Variants in ARMC9 observed in about 807,000 individuals in gnomAD.
ARMC9 encodes lisH domain-containing protein ARMC9.
A neutral mutation model predicts 107.0 loss-of-function variants in ARMC9; 94 were observed. The observed-to-expected ratio is 0.88, with a 90% confidence interval of 0.74 to 1.04. The LOEUF is 1.04. Among genes scored for constraint, ARMC9 ranks in the 50% least tolerant of loss-of-function variants. ARMC9 has a pLI of 0.00. For missense variants in ARMC9, 942 were observed against 1,030.1 expected, an observed-to-expected ratio of 0.91 and a Z score of 1.17; for synonymous variants, 380 against 396.9, an observed-to-expected ratio of 0.96 and a Z score of 0.51.
chr2:231,214,765 T>A, intron 3 of ARMC9, 66 bp from the exon 4 acceptor site: 1 of 1,511,192 alleles, frequency 6.6e-7, no homozygotes, highest in South Asian at 1.2e-5. Context: ...TGGTGTTGAG[T>A]GGGTTGTGAG....
At chr2:231,348,448 A>T (rs983413066) in intron 21 of ARMC9, among the ~76,000 whole-genome samples, 1 of 152,248 alleles carries the variant, frequency 6.6e-6, no homozygotes, top group Non-Finnish European at 1.5e-5. Context: ...TTCAGTCACT[A>T]AGTTTGTGGT....
intron 7 of ARMC9, among the ~76,000 whole-genome samples, chr2:231,233,223 T>C (rs2035404540): frequency 6.6e-6 from 1 of 152,230 alleles, no homozygotes; most frequent in South Asian, 2.1e-4. Context: ...ATGAAGGTTT[T>C]TGAAATACAA....
rs1369422705 is a variant in ARMC9 at position 231,355,929 on chromosome 2, C to T, written c.2126C>T (p.Ser709Phe). ...AGCACCCCGGAGTCCTGCGTCTCCT[C>T]TTCATGTAAGAATGTGGGCAGCACA... The part of the protein sequence containing the change: ...KPSTPESCVS[S>F]SSAIIAKPGE... The change falls in exon 22 of 25, where the codon TCT becomes TTT. Residue 709 changes from serine (S) to phenylalanine (F), a missense_variant. By Grantham distance (155) the Ser-to-Phe change is radical. Coordinates refer to ENST00000611582, the MANE Select transcript of ARMC9 (RefSeq NM_001352754.2). 4.6e-6 allele frequency: 7 copies of T among 1,535,058 alleles called. No homozygotes were observed. The highest frequency in any genetic ancestry group is 1.4e-5 in the African/African-American group (1 of 73,042).
chr2:231,222,953 A>G lies in ARMC9; in HGVS notation c.597+133A>G. On this transcript the variant is annotated intron_variant, in intron 6 of 24. Coordinates refer to ENST00000611582, the MANE Select transcript of ARMC9 (RefSeq NM_001352754.2). Reference sequence around the variant, plus strand: ...TTAATAGTGTTGCTTTCATATTTACAAGGTCAATGAATCATTAATGGCAGG... The same window carrying G: ...TTAATAGTGTTGCTTTCATATTTACGAGGTCAATGAATCATTAATGGCAGG... 3 of 556,258 alleles carry G rather than the reference A, an allele frequency of 5.4e-6. No individual in the cohort carries two copies. In the South Asian group the frequency reaches 8.1e-5, roughly 15 times the overall value. 34.5% of individuals were successfully genotyped at this position (556,258 alleles called of 1,614,324 possible).
At chr2:231,331,720 C>T (rs970887442) in intron 19 of ARMC9, 73 bp from the exon 20 acceptor site, 125 of 1,320,990 alleles carry the variant, frequency 9.5e-5, no homozygotes, top group Non-Finnish European at 3.8e-5. Flanking sequence ...GACAGCTACA[C>T]ATTCTGGGGA....
chr2:231,262,498 C>G, intron 12 of ARMC9, 100 bp downstream of exon 12: 1 of 1,167,594 alleles, frequency 8.6e-7, no homozygotes, highest in Non-Finnish European at 1.3e-6. Context: ...ACATTTTCAG[C>G]TTCGTAACTG....
chr2:231,213,806 C>T (rs1187349850), intron 3 of ARMC9, among the ~76,000 whole-genome samples: 2 of 152,092 alleles, frequency 1.3e-5, no homozygotes, highest in African/African-American at 4.8e-5. Flanking sequence ...AGAACAATGG[C>T]CAATAATGGT....
chr2:231,337,290 ATTTTTT>A (rs58078324), intron 20 of ARMC9, among the ~76,000 whole-genome samples: 1 of 38,018 alleles, frequency 2.6e-5, no homozygotes, highest in Non-Finnish European at 4.3e-5. Context: ...ATATATATAT[ATTTTTT>A]TTTTTTTTTT....
At chr2:231,299,059 A>T (rs897508072) in intron 19 of ARMC9, among the ~76,000 whole-genome samples, 1 of 152,196 alleles carries the variant, frequency 6.6e-6, no homozygotes, top group Non-Finnish European at 1.5e-5. Context: ...GCTTCACTGG[A>T]AACTCTCAAG....
chr2:231,323,920 C>T (rs1423287893), intron 19 of ARMC9, among the ~76,000 whole-genome samples: 5 of 152,232 alleles, frequency 3.3e-5, no homozygotes, highest in South Asian at 2.1e-4. Flanking sequence ...ACTGAGGCAG[C>T]GGAAGCCAAC....
chr2:231,247,824 G>A (rs2036916719), intron 9 of ARMC9, among the ~76,000 whole-genome samples: 1 of 152,148 alleles, frequency 6.6e-6, no homozygotes, highest in Admixed American at 6.5e-5. Context: ...CCAGCTACTT[G>A]GGAGACTGAG....
rs190683298 is a variant in ARMC9 at position 231,266,956 on chromosome 2, T to C, written c.1120-4026T>C. The stretch of plus-strand genomic sequence containing the variant: ...TCTTTATAGTTTTCCCATCTATGTA[T>C]ATCCCGCATAATACAGTGTTTGCTT... On this transcript the variant is annotated intron_variant, in intron 12 of 24. Coordinates refer to ENST00000611582, the MANE Select transcript of ARMC9 (RefSeq NM_001352754.2). Among the ~76,000 whole-genome samples, 7 of 152,382 alleles carry C rather than the reference T, an allele frequency of 4.6e-5. No individual in the cohort carries two copies. The East Asian group carries it at 9.6e-4, about 21-fold the overall frequency.
chr2:231,202,666 A>G (rs553254054), intron 1 of ARMC9, among the ~76,000 whole-genome samples: 3 of 151,982 alleles, frequency 2.0e-5, no homozygotes, highest in South Asian at 4.2e-4. Flanking sequence ...CTCAGCACCC[A>G]TATTCTCTGC....
intron 8 of ARMC9, among the ~76,000 whole-genome samples, chr2:231,236,709 G>A (rs2035745841): frequency 1.3e-5 from 2 of 152,234 alleles, no homozygotes; most frequent in African/African-American, 4.8e-5. Context: ...GGGAGGCTGA[G>A]GTGGGCAGAT....
At chr2:231,329,754 C>T (rs1669074) in intron 19 of ARMC9, among the ~76,000 whole-genome samples, 49,675 of 152,048 alleles carry the variant, frequency 0.33, 8,261 homozygotes, top group Middle Eastern at 0.38. Context: ...TACTAGTATA[C>T]AGAAATTGAT....
intron 12 of ARMC9, among the ~76,000 whole-genome samples, chr2:231,267,968 G>C (rs531628498): frequency 2.2e-4 from 33 of 152,278 alleles, no homozygotes; most frequent in African/African-American, 6.5e-4. Context: ...CAACCCAAAT[G>C]TCCATCAGCA....
intron 19 of ARMC9, among the ~76,000 whole-genome samples, chr2:231,306,596 A>C (rs1272614507): frequency 6.6e-6 from 1 of 152,344 alleles, no homozygotes; most frequent in African/African-American, 2.4e-5. Context: ...AAGTGCAATC[A>C]GAACTAGCTA....
In ARMC9 at chr2:231,216,620, T is replaced by A. The variant is rs905093407; in HGVS notation, c.349-18T>A. 6.2e-7 allele frequency: 1 copy of A among 1,610,874 alleles called. No individual in the cohort carries two copies. Among genetic ancestry groups the A allele is most frequent in the African/African-American group, 1.3e-5 (1 of 74,748 alleles). ...CATTGATCTGGAGACCTCAAACAAGTGTTTTCCCTTCTTCTAGGACAAAGA... is the reference window on the plus strand; with the variant it reads ...CATTGATCTGGAGACCTCAAACAAGAGTTTTCCCTTCTTCTAGGACAAAGA... On this transcript the variant is annotated intron_variant, in intron 4 of 24. Transcript: ENST00000611582.
chr2:231,305,043 A>T, intron 19 of ARMC9, among the ~76,000 whole-genome samples: 1 of 152,246 alleles, frequency 6.6e-6, no homozygotes, highest in East Asian at 1.9e-4. Flanking sequence ...ATTCCTGAAG[A>T]TAACCATCCG....
Sources: gnomAD v4.1 joint callset for allele counts (sites outside exome capture counted in the v4.1 genomes callset) on GRCh38, gnomAD v4.1.1 for gene constraint, MANE v1.5 for transcripts, NCBI Gene and HGNC (gene_info 2026-07-23, HGNC 2026-07-21) for gene names.